The following PDXDC1 variants were observed in gnomAD, a reference collection of about 807,000 sequenced individuals.
PDXDC1 encodes the protein pyridoxal dependent decarboxylase domain containing 1.
In PDXDC1, 42 loss-of-function variants were observed where a neutral mutation model predicts 100.1. The observed-to-expected ratio is 0.42, with a 90% CI of 0.33 to 0.54. The LOEUF is 0.54. Ranked by LOEUF, PDXDC1 falls within the 20% of genes least tolerant of loss-of-function variation. The pLI is 0.10. For synonymous variants in PDXDC1, 260 were observed against 371.7 expected (o/e 0.70, Z 3.46); for missense variants, 636 against 979.2 (o/e 0.65, Z 4.68).
chr16:15,133,484 G>C (rs1386659727), intron 16 of PDXDC1: 1 of 838,478 alleles, frequency 1.2e-6, no homozygotes, highest in East Asian at 2.7e-5. Flanking sequence ...CCACGGCCTG[G>C]CTCACCTGTT....
chr16:15,061,901 A>C (rs972343664), intron 16 of PDXDC1: 2 of 1,610,938 alleles, frequency 1.2e-6, no homozygotes, highest in Non-Finnish European at 1.7e-6. Context: ...ATCTTCCACT[A>C]TGTCCTGCAG....
chr16:14,986,771 G>C (rs1034957934), intron 1 of PDXDC1, among the ~76,000 whole-genome samples: 12 of 152,290 alleles, frequency 7.9e-5, no homozygotes, highest in African/African-American at 2.7e-4. Context: ...GTTTGAGACA[G>C]AGTCTTGCTC....
At chr16:15,089,550 C>A (rs1297706200) in intron 16 of PDXDC1, among the ~76,000 whole-genome samples, 1 of 152,120 alleles carries the variant, frequency 6.6e-6, no homozygotes, top group East Asian at 1.9e-4. Context: ...CCTCTAATCC[C>A]AGCACTTTGG....
intron 16 of PDXDC1, among the ~76,000 whole-genome samples, chr16:15,063,704 C>CAAAAAA (rs10664930): frequency 5.6e-5 from 5 of 89,092 alleles, no homozygotes; most frequent in East Asian, 3.4e-4. Context: ...GACTCTGTCT[C>CAAAAAA]AAAAAAAAAA....
chr16:15,128,065 G>A, intron 16 of PDXDC1: 2 of 1,608,450 alleles, frequency 1.2e-6, no homozygotes, highest in Non-Finnish European at 1.7e-6. Flanking sequence ...CATTGACCAG[G>A]AAGAAGGTGC....
Position 15,071,394 on chromosome 16 carries a change from C to T in PDXDC1, c.1399+41338C>T, listed in dbSNP as rs2045221615. On this transcript the variant is annotated intron_variant, in intron 16 of 16. Coordinates refer to the PDXDC1 transcript ENST00000535621. ...TCTCATGGGCTTCATTTTTAAAACA[C>T]ATTGAGAGAATATCATTAAAAACAA... 5 of 799,438 alleles carry T rather than the reference C, an allele frequency of 6.3e-6. No individual in the cohort carries two copies. The East Asian group carries it at 1.3e-4, about 21-fold the overall frequency. The allele number at this position is 799,438 out of a possible 1,614,324, so 49.5% of individuals were successfully genotyped here. A position where few individuals can be genotyped will look rare whatever the true frequency, so the allele number is the denominator to read the frequency against.
At chr16:15,072,960 C>A in intron 16 of PDXDC1, 2 of 1,613,438 alleles carry the variant, frequency 1.2e-6, no homozygotes, top group Non-Finnish European at 1.7e-6. Flanking sequence ...CAATTTGAAA[C>A]TACAGAGGTA....
downstream of PDXDC1, chr16:15,041,598 C>T (rs561411971): frequency 3.8e-6 from 6 of 1,580,138 alleles, no homozygotes; most frequent in South Asian, 5.5e-5. Flanking sequence ...CACATCTTTG[C>T]TTTGGGGCAA....
In PDXDC1 at chr16:15,029,712, A is replaced by T. The variant is rs199859452; in HGVS notation, c.1294-239A>T. 5 of 576,782 alleles carry T rather than the reference A, an allele frequency of 8.7e-6. No homozygotes were observed. In the East Asian group the frequency reaches 1.4e-4, roughly 17 times the overall value. The allele number at this position is 576,782 out of a possible 1,614,324, so 35.7% of individuals were successfully genotyped here. On this transcript the variant is annotated intron_variant, in intron 15 of 22. Coordinates refer to ENST00000396410, the MANE Select transcript of PDXDC1 (RefSeq NM_015027.4). ...TAGTAATATATTGTGGGTCATTGTTATTTTCTTCTTTTTGTTTACTTGTAT... is the reference window on the plus strand; with the variant it reads ...TAGTAATATATTGTGGGTCATTGTTTTTTTCTTCTTTTTGTTTACTTGTAT...
chr16:15,093,852 A>G, intron 16 of PDXDC1: 2 of 441,606 alleles, frequency 4.5e-6, no homozygotes, highest in Non-Finnish European at 8.0e-6. Context: ...AGAAGAGGGA[A>G]GGAAGAGGGG....
At chr16:15,064,127 C>G (rs754761254) in intron 16 of PDXDC1, among the ~76,000 whole-genome samples, 1 of 151,970 alleles carries the variant, frequency 6.6e-6, no homozygotes, top group Non-Finnish European at 1.5e-5. Context: ...TAAGGCTGGC[C>G]CAGTGGTTTT....
downstream of PDXDC1, chr16:15,041,086 G>C: frequency 6.2e-7 from 1 of 1,601,776 alleles, no homozygotes; most frequent in Non-Finnish European, 8.6e-7. Context: ...TATATTACTG[G>C]AAAGTGGTTT....
the PDXDC1 span, among the ~76,000 whole-genome samples, chr16:15,148,202 G>C: frequency 3.3e-5 from 5 of 150,392 alleles, no homozygotes; most frequent in Non-Finnish European, 7.4e-5. Flanking sequence ...CTGGCCTCAA[G>C]CCATCTGCTC....
At chr16:15,027,833 T>C (rs1415747851) in intron 14 of PDXDC1, among the ~76,000 whole-genome samples, 1 of 152,284 alleles carries the variant, frequency 6.6e-6, no homozygotes, top group East Asian at 1.9e-4. Context: ...AGGATGGTGG[T>C]GTGGTGGGCC....
At chr16:15,024,747 T>C in intron 13 of PDXDC1, among the ~76,000 whole-genome samples, 1 of 152,302 alleles carries the variant, frequency 6.6e-6, no homozygotes. Context: ...TGGTTTCTTA[T>C]CTTTCAGATC....
intron 1 of PDXDC1, among the ~76,000 whole-genome samples, chr16:14,981,891 G>A (rs1184414713): frequency 6.6e-6 from 1 of 151,978 alleles, no homozygotes; most frequent in Admixed American, 6.6e-5. Context: ...CTGCAGTGGT[G>A]CGATCTTGGT....
downstream of PDXDC1, chr16:15,041,712 G>C: frequency 6.8e-7 from 1 of 1,481,000 alleles, no homozygotes; most frequent in Non-Finnish European, 9.4e-7. Flanking sequence ...AGTCAGAAAA[G>C]TTCCTCTAGT....
At chr16:15,098,152 C>G (rs1252282526) in intron 16 of PDXDC1, among the ~76,000 whole-genome samples, 1 of 148,278 alleles carries the variant, frequency 6.7e-6, no homozygotes, top group Non-Finnish European at 1.5e-5. Context: ...TTGGAGGGGG[C>G]ACCAAAAGCT....
At chr16:15,038,845 G>A (rs189451567), downstream of PDXDC1, among the ~76,000 whole-genome samples, 38 of 152,272 alleles carry the variant, frequency 2.5e-4, no homozygotes, top group African/African-American at 7.7e-4. Context: ...TACTGAACAC[G>A]TCCAGTGTGT....
Sources: gnomAD v4.1 joint callset for allele counts (sites outside exome capture counted in the v4.1 genomes callset) on GRCh38, gnomAD v4.1.1 for gene constraint, MANE v1.5 for transcripts, NCBI Gene and HGNC (gene_info 2026-07-23, HGNC 2026-07-21) for gene names.